ANXA11: variants seen among roughly 807,000 people sequenced by gnomAD.
ANXA11 encodes the protein 56 kDa autoantigen.
In ANXA11, 57 loss-of-function variants were observed where a neutral mutation model predicts 64.7. That is an observed-to-expected ratio of 0.88 (90% confidence interval 0.71 to 1.10). The LOEUF (loss-of-function observed/expected upper bound fraction) is 1.10. Among genes scored for constraint, ANXA11 ranks in the 50% least tolerant of loss-of-function variants. The pLI, the probability that ANXA11 is intolerant of heterozygous loss-of-function variation, is 0.00. For synonymous variants in ANXA11, 260 were observed against 265.2 expected, an observed-to-expected ratio of 0.98 and a Z score of 0.19; for missense variants, 675 against 670.7, an observed-to-expected ratio of 1.01 and a Z score of -0.07.
At chr10:80,191,472 C>A (rs1846772777) in intron 1 of ANXA11, among the ~76,000 whole-genome samples, 2 of 152,170 alleles carry the variant, frequency 1.3e-5, no homozygotes, top group Admixed American at 1.3e-4. Context: ...CCTTCCAGAT[C>A]CTTCTATGGC....
chr10:80,158,086 T>C (rs930341996), intron 13 of ANXA11, 61 bp from the exon 14 acceptor site: 3 of 1,529,676 alleles, frequency 2.0e-6, no homozygotes, highest in Non-Finnish European at 2.7e-6. Flanking sequence ...AAGCAGGGCA[T>C]GGAGTCTACA....
In ANXA11 at chr10:80,171,499, C is replaced by T. The variant is rs781769387; in HGVS notation, c.56-584G>A. ...AAGCCCGCTCTGAAACCAGCAGGAC[C>T]GGTATGTGCCCTGGGGCAAGGCTTT... On this transcript the variant is annotated intron_variant, in intron 3 of 15. Transcript: ENST00000422982. 175 of 537,828 alleles carry T rather than the reference C, an allele frequency of 3.3e-4. 1 individual carries two copies. Among genetic ancestry groups the T allele is most frequent in the Admixed American group, 3.2e-4 (5 of 15,788 alleles). The allele number at this position is 537,828 out of a possible 1,614,324, so 33.3% of individuals were successfully genotyped here.
chr10:80,185,316 C>A (rs921046515), intron 1 of ANXA11, among the ~76,000 whole-genome samples: 3 of 152,220 alleles, frequency 2.0e-5, no homozygotes, highest in Non-Finnish European at 4.4e-5. Flanking sequence ...CAGCTCAGTG[C>A]TGCCCGGAAT....
At chr10:80,198,356 C>G (rs1564628408) in intron 1 of ANXA11, among the ~76,000 whole-genome samples, 1 of 152,226 alleles carries the variant, frequency 6.6e-6, no homozygotes, top group Non-Finnish European at 1.5e-5. Flanking sequence ...CAGCAGCCCC[C>G]ACTAAGGACT....
rs1845407637 is a variant in ANXA11 at position 80,159,171 on chromosome 10, G to C, written c.1205C>G (p.Thr402Arg). Reference sequence around the variant, plus strand: ...GATGCTCTTCTCAATGTCCCGGCCTGTCATTCTCTGGTACTCATTGAAAAC... The same window carrying C: ...GATGCTCTTCTCAATGTCCCGGCCTCTCATTCTCTGGTACTCATTGAAAAC... The part of the protein sequence containing the change: ...VAVFNEYQRM[T>R]GRDIEKSICR... Residue 402 changes from threonine (T) to arginine (R), a missense_variant, in exon 13 of 16, where the codon ACA (threonine) becomes AGA (arginine). Transcript: ENST00000422982. 2 of 1,614,082 alleles carry C rather than the reference G, an allele frequency of 1.2e-6. No homozygotes were observed. Among genetic ancestry groups the C allele is most frequent in the African/African-American group, 1.3e-5 (1 of 75,028 alleles).
chr10:80,182,388 T>G (rs1846387815), intron 1 of ANXA11, among the ~76,000 whole-genome samples: 1 of 152,158 alleles, frequency 6.6e-6, no homozygotes, highest in South Asian at 2.1e-4. Flanking sequence ...CATTCTTCCC[T>G]CTATCCTTGT....
chr10:80,191,822 C>T (rs1195259986), intron 1 of ANXA11, among the ~76,000 whole-genome samples: 2 of 152,222 alleles, frequency 1.3e-5, no homozygotes, highest in Non-Finnish European at 2.9e-5. Context: ...CAGGACCTCA[C>T]AACCGGATGC....
intron 1 of ANXA11, among the ~76,000 whole-genome samples, chr10:80,188,493 A>G (rs1846634417): frequency 1.3e-5 from 1 of 77,228 alleles, no homozygotes; most frequent in Non-Finnish European, 2.6e-5. Context: ...ATATATATAT[A>G]TATATATATA....
intron 1 of ANXA11, among the ~76,000 whole-genome samples, chr10:80,202,612 GTGT>G (rs1840480864): frequency 1.3e-5 from 2 of 152,214 alleles, no homozygotes; most frequent in South Asian, 4.1e-4. Context: ...GGATCAGAGG[GTGT>G]TGCAGAGAAA....
At chr10:80,169,695 T>C (rs1359641749) in intron 4 of ANXA11, among the ~76,000 whole-genome samples, 1 of 152,134 alleles carries the variant, frequency 6.6e-6, no homozygotes, top group Non-Finnish European at 1.5e-5. Flanking sequence ...ATATGCAGGG[T>C]TGGGGGCATC....
At chr10:80,193,947 T>C (rs928318246) in intron 1 of ANXA11, among the ~76,000 whole-genome samples, 1 of 151,718 alleles carries the variant, frequency 6.6e-6, no homozygotes, top group Non-Finnish European at 1.5e-5. Flanking sequence ...GCCTCCCAAG[T>C]AGCTGGGATT....
At chr10:80,197,974 G>A (rs1264515315) in intron 1 of ANXA11, among the ~76,000 whole-genome samples, 6 of 151,976 alleles carry the variant, frequency 3.9e-5, no homozygotes, top group African/African-American at 1.2e-4. Flanking sequence ...GGGGCCCCTC[G>A]ATCCCATGGG....
At chr10:80,188,431 GA>G (rs937910268) in intron 1 of ANXA11, among the ~76,000 whole-genome samples, 1 of 138,862 alleles carries the variant, frequency 7.2e-6, no homozygotes, top group African/African-American at 2.7e-5. Context: ...GTGAAAAGAG[GA>G]AAAATGCATC....
At chr10:80,197,015 T>C (rs1247921334) in intron 1 of ANXA11, among the ~76,000 whole-genome samples, 1 of 152,218 alleles carries the variant, frequency 6.6e-6, no homozygotes, top group Non-Finnish European at 1.5e-5. Context: ...TGCACTAGCA[T>C]TTGGATTACA....
intron 1 of ANXA11, among the ~76,000 whole-genome samples, chr10:80,204,039 G>T (rs376308625): frequency 3.3e-5 from 5 of 152,256 alleles, no homozygotes; most frequent in African/African-American, 1.2e-4. Flanking sequence ...TGACTGGTCC[G>T]TACCTGAGCT....
At position 80,159,097 on chromosome 10, in the gene ANXA11, T is replaced by C. The variant is rs1412700966; in HGVS notation, c.1276+3A>G. On this transcript the variant is annotated splice_donor_region_variant and intron_variant, in intron 13 of 15. Transcript: ENST00000422982. The stretch of plus-strand genomic sequence containing the variant: ...AGGTGGGCGGCAAACCTGAGACACT[T>C]ACCCACGGCCAGCATGCCCTCCTCC... The C allele has an allele frequency of 6.2e-7, 1 of 1,613,316 alleles. No homozygotes were observed. The highest frequency in any genetic ancestry group is 8.5e-7 in the Non-Finnish European group (1 of 1,179,478).
chr10:80,175,868 C>T (rs1846150191), intron 2 of ANXA11, among the ~76,000 whole-genome samples: 1 of 151,948 alleles, frequency 6.6e-6, no homozygotes, highest in Non-Finnish European at 1.5e-5. Context: ...ACCAGCCTGG[C>T]CATGGTGAAA....
intron 1 of ANXA11, among the ~76,000 whole-genome samples, chr10:80,202,736 G>T (rs1444230430): frequency 1.3e-5 from 2 of 152,118 alleles, no homozygotes; most frequent in African/African-American, 2.4e-5. Context: ...GGCTTACGGG[G>T]GAAAACAGTG....
In ANXA11 at chr10:80,166,905, C is replaced by A; in HGVS notation, c.729G>T (p.Lys243Asn). 1 of 1,607,916 alleles carries A rather than the reference C, an allele frequency of 6.2e-7. No individual in the cohort carries two copies. The highest frequency in any genetic ancestry group is 2.2e-5 in the East Asian group (1 of 44,588). ...CGCAGCTCGCCTTGCCGTAAGCCGT[C>A]TTGAAGGAAAGTAGGATCTGCTGCC... ...KQRQQILLSFKTAYGKDLIKD... is the reference protein window; with the variant it reads ...KQRQQILLSFNTAYGKDLIKD... Residue 243 changes from lysine to asparagine, a missense_variant, in exon 7 of 16, where the codon AAG (lysine) becomes AAT (asparagine). Lys to Asn is a moderately conservative substitution (Grantham distance 94). Coordinates refer to ENST00000422982, the MANE Select transcript of ANXA11 (RefSeq NM_145868.2).
Sources: gnomAD v4.1 joint callset for allele counts (sites outside exome capture counted in the v4.1 genomes callset) on GRCh38, gnomAD v4.1.1 for gene constraint, MANE v1.5 for transcripts, NCBI Gene and HGNC (gene_info 2026-07-23, HGNC 2026-07-21) for gene names.